Variants in FAF1 observed in about 807,000 individuals in gnomAD.
FAF1 encodes the protein FAS-associated factor 1.
FAF1 carries 25 observed loss-of-function variants against 92.5 expected under a neutral mutation model. The ratio of observed to expected loss-of-function variants is 0.27; its 90% CI spans 0.20 to 0.38. FAF1 has a LOEUF of 0.38. FAF1 is among the 10% of genes least tolerant of loss of function. The pLI, the probability that FAF1 is intolerant of heterozygous loss-of-function variation, is 1.00. For missense variants in FAF1, 636 were observed against 793.3 expected (o/e 0.80, Z 2.38); for synonymous variants, 234 against 273.2 (o/e 0.86, Z 1.42).
intron 7 of FAF1, among the ~76,000 whole-genome samples, chr1:50,701,176 T>TA (rs1269136155): frequency 6.6e-6 from 1 of 152,104 alleles, no homozygotes; most frequent in African/African-American, 2.4e-5. Context: ...TTTCAAATTT[T>TA]AAAAAATCAA....
chr1:50,788,830 TTC>T (rs1661462251), intron 3 of FAF1, among the ~76,000 whole-genome samples: 1 of 152,074 alleles, frequency 6.6e-6, no homozygotes, highest in Non-Finnish European at 1.5e-5. Flanking sequence ...TCTAAAACAA[TTC>T]TTTTTGTTTG....
At chr1:50,815,313 C>A (rs1480628025) in intron 2 of FAF1, among the ~76,000 whole-genome samples, 1 of 152,108 alleles carries the variant, frequency 6.6e-6, no homozygotes, top group Non-Finnish European at 1.5e-5. Flanking sequence ...CTCCTGCTTA[C>A]GTGAGAATGT....
intron 7 of FAF1, among the ~76,000 whole-genome samples, chr1:50,696,980 T>C (rs887861565): frequency 1.3e-5 from 2 of 152,194 alleles, no homozygotes; most frequent in African/African-American, 2.4e-5. Flanking sequence ...ATTATAGACT[T>C]TGAAATGTAG....
chr1:50,623,508 A>C (rs1303525834), intron 8 of FAF1, among the ~76,000 whole-genome samples: 2 of 151,918 alleles, frequency 1.3e-5, no homozygotes, highest in African/African-American at 4.8e-5. Flanking sequence ...GGTGGAGGGC[A>C]AGTTGCAGTG....
chr1:50,482,450 T>C (rs1572773943), intron 17 of FAF1, among the ~76,000 whole-genome samples: 2 of 152,186 alleles, frequency 1.3e-5, no homozygotes, highest in African/African-American at 4.8e-5. Flanking sequence ...CATATTTTTG[T>C]ATGAATGTAA....
At chr1:50,724,502 C>A (rs1056287907) in intron 6 of FAF1, among the ~76,000 whole-genome samples, 3 of 152,096 alleles carry the variant, frequency 2.0e-5, no homozygotes, top group African/African-American at 7.2e-5. Context: ...ATAACAAACA[C>A]AGAGAGTCTG....
At chr1:50,560,165 G>A (rs1382113275) in intron 13 of FAF1, among the ~76,000 whole-genome samples, 1 of 152,192 alleles carries the variant, frequency 6.6e-6, no homozygotes, top group Non-Finnish European at 1.5e-5. Context: ...AGCCAGGCAT[G>A]AACCACTGAG....
At position 50,441,434 on chromosome 1, in the gene FAF1, C is replaced by T; in HGVS notation, c.*6G>A. On this transcript the variant is annotated 3_prime_UTR_variant, in exon 19 of 19. Coordinates refer to ENST00000396153, the MANE Select transcript of FAF1 (RefSeq NM_007051.3). ...AGGAATGGCTGGTTCCACCGCTGGG[C>T]CGTGTTTACTCTTTTGCTTCAAGGA... 1 of 1,517,768 alleles carries T rather than the reference C, an allele frequency of 6.6e-7. No individual in the cohort carries two copies. The highest frequency in any genetic ancestry group is 8.9e-7 in the Non-Finnish European group (1 of 1,123,640). 94.0% of individuals were successfully genotyped at this position (1,517,768 alleles called of 1,614,324 possible).
Position 50,584,744 on chromosome 1 carries a change from C to T in FAF1, c.908G>A (p.Gly303Glu). The change falls in exon 10 of 19, where the codon GGG becomes GAG. Residue 303 changes from glycine (G) to glutamate (E), a missense_variant. By Grantham distance (98) the Gly-to-Glu change is moderately conservative (BLOSUM62 -2). Transcript: ENST00000396153. ...GDDFEDATEFGVDDGEVFGMA... is the reference protein window; with the variant it reads ...GDDFEDATEFEVDDGEVFGMA... The stretch of plus-strand genomic sequence containing the variant: ...GCCAAATACTTCTCCATCATCCACC[C>T]CAAATTCTGTAGCATCTTCAAAGTC... 1 of 1,613,622 alleles carries T rather than the reference C, an allele frequency of 6.2e-7. No homozygotes were observed. The highest frequency in any genetic ancestry group is 8.5e-7 in the Non-Finnish European group (1 of 1,179,672).
chr1:50,466,745 CCA>C (rs1365046457), intron 18 of FAF1, among the ~76,000 whole-genome samples: 1 of 152,146 alleles, frequency 6.6e-6, no homozygotes, highest in East Asian at 1.9e-4. Flanking sequence ...GCCTGGTATT[CCA>C]GTTTTATATA....
chr1:50,694,675 G>A (rs2124401798), intron 7 of FAF1, among the ~76,000 whole-genome samples: 1 of 151,806 alleles, frequency 6.6e-6, no homozygotes, highest in South Asian at 2.1e-4. Context: ...GCCAGGCTTG[G>A]TGGCTCACGC....
In FAF1 at chr1:50,563,147, C is replaced by T. The variant is rs188258096; in HGVS notation, c.1268+3930G>A. 2.7e-3 allele frequency among the ~76,000 whole-genome samples: 414 copies of T among 152,276 alleles called. 4 individuals are homozygous for T. The highest frequency in any genetic ancestry group is 3.5e-3 in the Non-Finnish European group (238 of 68,016). ...TGGTATCTGCAGGAGGTCCTGGAAC[C>T]AATCCTGCATAACTATGAAGTGATT... On this transcript the variant is annotated intron_variant, in intron 13 of 18. Transcript: ENST00000396153.
intron 1 of FAF1, among the ~76,000 whole-genome samples, chr1:50,898,520 C>A (rs1238423330): frequency 6.6e-6 from 1 of 151,976 alleles, no homozygotes; most frequent in African/African-American, 2.4e-5. Context: ...TAATATGCTA[C>A]CATTTATTAT....
chr1:50,925,148 A>G (rs544071448), intron 1 of FAF1, among the ~76,000 whole-genome samples: 2 of 152,360 alleles, frequency 1.3e-5, no homozygotes, highest in Admixed American at 6.5e-5. Context: ...GGTGCTAAGA[A>G]AAATGGATAG....
intron 1 of FAF1, among the ~76,000 whole-genome samples, chr1:50,909,244 G>C (rs145424086): frequency 1.3e-5 from 2 of 152,194 alleles, no homozygotes; most frequent in African/African-American, 4.8e-5. Flanking sequence ...CCAGAGATCC[G>C]CTGTTAGTCT....
intron 2 of FAF1, among the ~76,000 whole-genome samples, chr1:50,806,369 A>G (rs1420883767): frequency 6.6e-6 from 1 of 152,264 alleles, no homozygotes; most frequent in Non-Finnish European, 1.5e-5. Flanking sequence ...AGTATTAGCA[A>G]TAATATCAAG....
At chr1:50,496,248 C>A (rs1256622039) in intron 15 of FAF1, among the ~76,000 whole-genome samples, 1 of 152,120 alleles carries the variant, frequency 6.6e-6, no homozygotes, top group African/African-American at 2.4e-5. Context: ...GGAATGAATA[C>A]CCTGCTCCTT....
intron 15 of FAF1, among the ~76,000 whole-genome samples, chr1:50,501,356 GAATGTCTCAGTTTA>G (rs576318316): frequency 1.5e-4 from 23 of 152,242 alleles, no homozygotes; most frequent in African/African-American, 5.1e-4. Flanking sequence ...ACACCTATTA[GAATGTCTCAGTTTA>G]AAAGACTAAC....
Position 50,567,067 on chromosome 1 carries a change from A to G in FAF1, c.1268+10T>C, listed in dbSNP as rs767033970. ...AAGCCCAACTTGTAACTTGTGAACA[A>G]CAGTATTACCTTGCTCTGTTGGAGT... On this transcript the variant is annotated intron_variant, in intron 13 of 18. Transcript: ENST00000396153. 3.4e-5 allele frequency: 53 copies of G among 1,538,090 alleles called. No homozygotes were observed. The highest frequency in any genetic ancestry group is 6.3e-5 in the Admixed American group (3 of 47,724).
Sources: allele counts gnomAD v4.1 joint callset (sites outside exome capture counted in the v4.1 genomes callset), GRCh38; gene constraint gnomAD v4.1.1; transcripts MANE v1.5; gene names NCBI Gene and HGNC (gene_info 2026-07-23, HGNC 2026-07-21).